Variants in CTNND2 observed in about 807,000 individuals in gnomAD.
The protein encoded by CTNND2 is catenin delta 2, also known as catenin delta-2.
Under a neutral mutation model 144.4 loss-of-function variants are expected in CTNND2, and 22 were observed. The observed-to-expected ratio is 0.15, with a 90% CI of 0.11 to 0.22. CTNND2 has a LOEUF of 0.22. Among genes scored for constraint, CTNND2 ranks in the 10% least tolerant of loss-of-function variants. The probability of loss-of-function intolerance (pLI) is 1.00; values close to 1 mark genes in which losing one functional copy is unlikely to be tolerated. For missense variants in CTNND2, 1,353 were observed against 1,618.8 expected (o/e 0.84, Z 2.82); for synonymous variants, 751 against 695.6 (o/e 1.08, Z -1.25).
intron 3 of CTNND2, among the ~76,000 whole-genome samples, chr5:11,533,369 A>T (rs183213520): frequency 1.3e-5 from 2 of 152,234 alleles, no homozygotes; most frequent in Non-Finnish European, 2.9e-5. Flanking sequence ...ACATCATCTC[A>T]TGGCTCCTTC....
At chr5:11,648,163 G>A (rs149529243) in intron 2 of CTNND2, among the ~76,000 whole-genome samples, 317 of 146,386 alleles carry the variant, frequency 2.2e-3, no homozygotes, top group Middle Eastern at 7.5e-3. Flanking sequence ...AGGGCAGAGA[G>A]AACAGTGACT....
chr5:11,280,630 G>T (rs1330979039), intron 9 of CTNND2, among the ~76,000 whole-genome samples: 1 of 152,180 alleles, frequency 6.6e-6, no homozygotes, highest in African/African-American at 2.4e-5. Context: ...CACTCATAGA[G>T]GGGAGTTAGG....
chr5:11,008,228 G>C (rs1048413594), intron 18 of CTNND2, among the ~76,000 whole-genome samples: 1 of 152,144 alleles, frequency 6.6e-6, no homozygotes, highest in Non-Finnish European at 1.5e-5. Flanking sequence ...TCCCAGAACC[G>C]GTGAATATGC....
intron 3 of CTNND2, among the ~76,000 whole-genome samples, chr5:11,544,541 C>T (rs1775043221): frequency 6.6e-6 from 1 of 152,224 alleles, no homozygotes; most frequent in African/African-American, 2.4e-5. Flanking sequence ...TTCAAATGTG[C>T]ATCAACTGGT....
At position 11,110,839 on chromosome 5, in the gene CTNND2, T is replaced by C. The variant is rs115886472; in HGVS notation, c.2463+19A>G. 1.2e-6 allele frequency: 2 copies of C among 1,602,946 alleles called. No homozygotes were observed. Among genetic ancestry groups the C allele is most frequent in the Admixed American group, 3.3e-5 (2 of 59,800 alleles). ...TAGGAAGGGGATAATTGCATGCAGC[T>C]GCAAGCAGCCTGCATCACCTGATCT... On this transcript the variant is annotated intron_variant, in intron 14 of 21. Transcript: ENST00000304623.
At position 11,705,769 on chromosome 5, in the gene CTNND2, G is replaced by A. The variant is rs536191877; in HGVS notation, c.174+26367C>T. Reference sequence around the variant, plus strand: ...ACTCTATGGTGAACCACTTTAGAGTGTCCACACTTTTATGCAGTCCTCCAC... The same window carrying A: ...ACTCTATGGTGAACCACTTTAGAGTATCCACACTTTTATGCAGTCCTCCAC... On this transcript the variant is annotated intron_variant, in intron 2 of 21. Transcript: ENST00000304623. Among the ~76,000 whole-genome samples, 460 of 152,276 alleles carry A rather than the reference G, an allele frequency of 3.0e-3. 3 individuals are homozygous for A. Among genetic ancestry groups the A allele is most frequent in the South Asian group, 0.028 (134 of 4,824 alleles).
chr5:11,344,142 C>T (rs140542946), intron 9 of CTNND2, among the ~76,000 whole-genome samples: 3,073 of 152,288 alleles, frequency 0.02, 221 homozygotes, highest in East Asian at 0.16. Flanking sequence ...CGGTGGCTCA[C>T]GCCTGTAATC....
intron 12 of CTNND2, among the ~76,000 whole-genome samples, chr5:11,156,842 C>A (rs1375417313): frequency 6.6e-6 from 1 of 152,152 alleles, no homozygotes; most frequent in East Asian, 1.9e-4. Flanking sequence ...AGGGAGAAGA[C>A]CACTGGCATT....
chr5:10,986,761 A>G (rs1463470064), intron 20 of CTNND2: 1 of 444,604 alleles, frequency 2.2e-6, no homozygotes, highest in African/African-American at 2.0e-5. Context: ...GGGATAAGAA[A>G]CATCCGTTTA....
At chr5:11,702,423 G>A (rs1785487105) in intron 2 of CTNND2, among the ~76,000 whole-genome samples, 2 of 152,154 alleles carry the variant, frequency 1.3e-5, no homozygotes, top group African/African-American at 4.8e-5. Context: ...ACATGAAGGA[G>A]GTGCTCAGAC....
intron 11 of CTNND2, among the ~76,000 whole-genome samples, chr5:11,196,991 C>G (rs978211297): frequency 3.9e-5 from 6 of 152,198 alleles, no homozygotes; most frequent in Non-Finnish European, 8.8e-5. Context: ...CAGCTGAGTC[C>G]TGCAGGTTTC....
At chr5:11,338,622 A>C (rs566429183) in intron 9 of CTNND2, among the ~76,000 whole-genome samples, 2 of 152,214 alleles carry the variant, frequency 1.3e-5, no homozygotes, top group Non-Finnish European at 2.9e-5. Flanking sequence ...ATTACTCTTG[A>C]CCACATGATA....
intron 2 of CTNND2, among the ~76,000 whole-genome samples, chr5:11,662,043 A>T (rs1236158615): frequency 1.3e-5 from 2 of 150,342 alleles, no homozygotes; most frequent in Non-Finnish European, 3.0e-5. Context: ...ACACACACAC[A>T]CATATATATA....
At chr5:11,196,008 G>A (rs756249233) in intron 11 of CTNND2, among the ~76,000 whole-genome samples, 3 of 152,304 alleles carry the variant, frequency 2.0e-5, no homozygotes, top group East Asian at 1.9e-4. Flanking sequence ...AGATATTGCC[G>A]TGCAAACAGG....
intron 12 of CTNND2, among the ~76,000 whole-genome samples, chr5:11,125,411 G>A (rs1754578324): frequency 1.3e-5 from 2 of 152,258 alleles, no homozygotes; most frequent in Non-Finnish European, 2.9e-5. Context: ...ACCTGCTGCG[G>A]TGCACATAGC....
rs145596759 is a variant in CTNND2 at position 11,050,819 on chromosome 5, A to T, written c.2789-27840T>A. Among the ~76,000 whole-genome samples, 324 of 152,312 alleles carry T rather than the reference A, an allele frequency of 2.1e-3. 3 individuals are homozygous for T. Among genetic ancestry groups the T allele is most frequent in the African/African-American group, 6.9e-3 (286 of 41,580 alleles). On this transcript the variant is annotated intron_variant, in intron 16 of 21. Coordinates refer to ENST00000304623, the MANE Select transcript of CTNND2 (RefSeq NM_001332.4). ...TCCCTAGTTTTTGTCTCTGCTTCCA[A>T]CTGAGGACCAACCAGAGAAGGCCAG...
intron 16 of CTNND2, among the ~76,000 whole-genome samples, chr5:11,029,122 TG>T (rs1743179559): frequency 1.3e-5 from 2 of 152,232 alleles, no homozygotes; most frequent in African/African-American, 4.8e-5. Context: ...TTGAGAATAA[TG>T]GTGTGAACAC....
intron 15 of CTNND2, 121 bp downstream of exon 15, chr5:11,098,454 T>G: frequency 1.1e-6 from 1 of 873,494 alleles, no homozygotes; most frequent in Non-Finnish European, 1.7e-6. Context: ...TATAATTTTT[T>G]TTTCTCTAAC....
chr5:11,466,033 G>A (rs1766644723), intron 3 of CTNND2, among the ~76,000 whole-genome samples: 1 of 152,092 alleles, frequency 6.6e-6, no homozygotes, highest in African/African-American at 2.4e-5. Flanking sequence ...TGAAGAGGTG[G>A]GGTTTTCACT....
Sources: allele counts gnomAD v4.1 joint callset (sites outside exome capture counted in the v4.1 genomes callset), GRCh38; gene constraint gnomAD v4.1.1; transcripts MANE v1.5; gene names NCBI Gene and HGNC (gene_info 2026-07-23, HGNC 2026-07-21).